DMD: variants seen among roughly 807,000 people sequenced by gnomAD.
The protein encoded by DMD is dystrophin.
DMD carries 63 observed loss-of-function variants against 330.1 expected under a neutral mutation model. That is an observed-to-expected ratio of 0.19 (90% CI 0.16 to 0.24). The LOEUF (loss-of-function observed/expected upper bound fraction) is 0.24. Among genes scored for constraint, DMD ranks in the 10% least tolerant of loss-of-function variants. The pLI, the probability that DMD is intolerant of heterozygous loss-of-function variation, is 1.00. For synonymous variants in DMD, 1,223 were observed against 959.8 expected, an observed-to-expected ratio of 1.27 and a Z score of -5.07; for missense variants, 3,344 against 2,684.1, an observed-to-expected ratio of 1.25 and a Z score of -5.43.
rs775951185 is a variant in DMD at position 31,871,310 on chromosome X, C to T, written c.7098+3878G>A. On this transcript the variant is annotated intron_variant, in intron 48 of 78. Transcript: ENST00000357033. ...CAGGATTTCCTGAATAGGAATATTTCGGGAGTAAATTGCACAAACCAAGCA... is the reference window on the plus strand; with the variant it reads ...CAGGATTTCCTGAATAGGAATATTTTGGGAGTAAATTGCACAAACCAAGCA... 9.9e-5 allele frequency among the ~76,000 whole-genome samples: 11 copies of T among 111,027 alleles called. No individual in the cohort carries two copies. The East Asian group carries it at 2.6e-3, about 26-fold the overall frequency.
intron 48 of DMD, among the ~76,000 whole-genome samples, chrX:31,864,238 T>A (rs1396988579): frequency 9.0e-6 from 1 of 111,339 alleles, no homozygotes; most frequent in East Asian, 2.8e-4. Context: ...AAAAGCACTC[T>A]TCTCCCCTCC....
chrX:32,131,630 TAGTC>T (rs2096695303), intron 44 of DMD, among the ~76,000 whole-genome samples: 1 of 112,329 alleles, frequency 8.9e-6, no homozygotes, highest in Non-Finnish European at 1.9e-5. Flanking sequence ...AATAATTTCT[TAGTC>T]AGGGATGGTC....
chrX:32,258,505 C>A (rs1290559053), intron 43 of DMD, among the ~76,000 whole-genome samples: 1 of 110,930 alleles, frequency 9.0e-6, no homozygotes, highest in Non-Finnish European at 1.9e-5. Flanking sequence ...GAGTTCATGT[C>A]CTTTGCACGG....
chrX:32,619,999 C>A (rs926925440), intron 11 of DMD, among the ~76,000 whole-genome samples: 2 of 111,573 alleles, frequency 1.8e-5, no homozygotes, highest in African/African-American at 6.5e-5. Flanking sequence ...TCTGCTTTCA[C>A]CCTCTTGCCA....
chrX:31,434,717 C>T (rs1379481187), intron 60 of DMD, among the ~76,000 whole-genome samples: 1 of 111,249 alleles, frequency 9.0e-6, no homozygotes, highest in Non-Finnish European at 1.9e-5. Flanking sequence ...TTTCCGTTCA[C>T]TTCAGCAAGA....
rs756489424 is a variant in DMD, at chrX:32,411,841, T to A, written c.4144A>T (p.Ile1382Phe). 8.3e-7 allele frequency: 1 copy of A among 1,209,341 alleles called. No homozygotes were observed. The highest frequency in any genetic ancestry group is 1.8e-5 in the South Asian group (1 of 56,796). Residue 1382 changes from isoleucine (I) to phenylalanine (F), a missense_variant, in exon 30 of 79, where the codon ATC becomes TTC. Coordinates refer to ENST00000357033, the MANE Select transcript of DMD (RefSeq NM_004006.3). ...TCAATGAATGTGAGGGACTCCTGGA[T>A]TAAGTGTAAGGATTTTTCAGTCTCC... ...AQETEKSLHL[I>F]QESLTFIDKQ...
At chrX:32,915,898 T>C (rs1323219235) in intron 2 of DMD, among the ~76,000 whole-genome samples, 1 of 111,653 alleles carries the variant, frequency 9.0e-6, no homozygotes, top group Non-Finnish European at 1.9e-5. Context: ...TGATTTTTCT[T>C]TTCAACCTCT....
intron 48 of DMD, among the ~76,000 whole-genome samples, chrX:31,868,427 T>C (rs961892277): frequency 8.9e-6 from 1 of 112,100 alleles, no homozygotes; most frequent in Non-Finnish European, 1.9e-5. Context: ...TTACCGAGTA[T>C]TCTTATTTTC....
intron 11 of DMD, among the ~76,000 whole-genome samples, chrX:32,626,070 A>T (rs773288391): frequency 4.5e-4 from 51 of 112,780 alleles, no homozygotes; most frequent in African/African-American, 1.5e-3. Context: ...ACCAGTACAA[A>T]TTAGAGAAAC....
intron 17 of DMD, among the ~76,000 whole-genome samples, chrX:32,531,174 A>G (rs1405032525): frequency 3.6e-5 from 4 of 111,912 alleles, no homozygotes; most frequent in Non-Finnish European, 7.5e-5. Flanking sequence ...TGTAAGTAAG[A>G]CACTCTCAGA....
intron 2 of DMD, among the ~76,000 whole-genome samples, chrX:32,981,693 A>G (rs986048749): frequency 6.3e-5 from 7 of 111,465 alleles, no homozygotes; most frequent in East Asian, 2.8e-4. Flanking sequence ...ATACCATACT[A>G]TTTACTAAGA....
chrX:32,869,463 G>A (rs7052577), intron 2 of DMD, among the ~76,000 whole-genome samples: 41,410 of 108,842 alleles, frequency 0.38, 5,974 homozygotes, highest in Admixed American at 0.42. Context: ...CTGAGCTAAA[G>A]GAGCATGGTC....
chrX:32,239,613 G>A (rs764553328), intron 43 of DMD, among the ~76,000 whole-genome samples: 1 of 111,734 alleles, frequency 8.9e-6, no homozygotes, highest in African/African-American at 3.3e-5. Context: ...ATAATGAAAG[G>A]TATCCACCAT....
intron 60 of DMD, among the ~76,000 whole-genome samples, chrX:31,376,019 G>T (rs1468997269): frequency 9.0e-6 from 1 of 111,344 alleles, no homozygotes; most frequent in Non-Finnish European, 1.9e-5. Flanking sequence ...GAAGCTCCCT[G>T]CCTCCTCTGA....
At chrX:32,233,598 CTTTTATTTATTT>C (rs749989024) in intron 43 of DMD, among the ~76,000 whole-genome samples, 23 of 93,795 alleles carry the variant, frequency 2.5e-4, no homozygotes, top group Middle Eastern at 5.7e-3. Flanking sequence ...ATTTCTTTTT[CTTTTATTTATTT>C]ATTTATTTAT....
At chrX:32,122,942 C>T (rs189549914) in intron 44 of DMD, among the ~76,000 whole-genome samples, 9 of 109,196 alleles carry the variant, frequency 8.2e-5, no homozygotes, top group African/African-American at 3.0e-4. Context: ...AGCCAGACTT[C>T]ACCCCTTAAT....
intron 15 of DMD, among the ~76,000 whole-genome samples, chrX:32,569,586 G>A (rs1192019288): frequency 9.0e-6 from 1 of 111,403 alleles, no homozygotes; most frequent in Non-Finnish European, 1.9e-5. Context: ...CTGCCGGTCG[G>A]GGGAACACAT....
intron 1 of DMD, among the ~76,000 whole-genome samples, chrX:33,060,661 C>T (rs1373078087): frequency 9.1e-6 from 1 of 109,710 alleles, no homozygotes; most frequent in Non-Finnish European, 1.9e-5. Flanking sequence ...AGTGAAACCC[C>T]TTTCTCTACT....
At chrX:33,010,141 C>CGT (rs1261905723) in intron 2 of DMD, among the ~76,000 whole-genome samples, 1 of 92,693 alleles carries the variant, frequency 1.1e-5, no homozygotes, top group Non-Finnish European at 2.1e-5. Context: ...TGTATATATA[C>CGT]GTGTATATAT....
Sources: allele counts gnomAD v4.1 joint callset (sites outside exome capture counted in the v4.1 genomes callset), GRCh38; gene constraint gnomAD v4.1.1; transcripts MANE v1.5; gene names NCBI Gene and HGNC (gene_info 2026-07-23, HGNC 2026-07-21).